The following SPATS2L variants were observed in gnomAD, a reference collection of about 807,000 sequenced individuals.
SPATS2L encodes spermatogenesis associated serine rich 2 like.
SPATS2L carries 30 observed loss-of-function variants against 59.6 expected under a neutral mutation model. The ratio of observed to expected loss-of-function variants is 0.50; its 90% CI spans 0.38 to 0.68. The LOEUF (loss-of-function observed/expected upper bound fraction) is 0.68, where lower values mean the gene tolerates loss of function less well. SPATS2L is among the 30% of genes least tolerant of loss of function. The probability of loss-of-function intolerance (pLI) is 0.00; values close to 1 mark genes in which losing one functional copy is unlikely to be tolerated. For synonymous variants in SPATS2L, 252 were observed against 263.5 expected, an observed-to-expected ratio of 0.96 and a Z score of 0.42; for missense variants, 615 against 700.0, an observed-to-expected ratio of 0.88 and a Z score of 1.37.
At position 200,354,576 on chromosome 2, in the gene SPATS2L, T is replaced by C. The variant is rs184453979; in HGVS notation, c.-23+25096T>C. On this transcript the variant is annotated intron_variant, in intron 2 of 12. Transcript: ENST00000409140. ...TGAGCTGAGATTGTGCCATTGCACTTCAGCCTGGGCGACAGAGCAAGACTC... is the reference window on the plus strand; with the variant it reads ...TGAGCTGAGATTGTGCCATTGCACTCCAGCCTGGGCGACAGAGCAAGACTC... Among the ~76,000 whole-genome samples, 456 of 151,902 alleles carry C rather than the reference T, an allele frequency of 3.0e-3. 4 individuals carry two copies. Among genetic ancestry groups the C allele is most frequent in the African/African-American group, 0.011 (436 of 41,400 alleles).
At chr2:200,433,208 G>A (rs1032137855) in intron 6 of SPATS2L, among the ~76,000 whole-genome samples, 4 of 152,194 alleles carry the variant, frequency 2.6e-5, no homozygotes, top group Middle Eastern at 3.4e-3. Flanking sequence ...TAAAGAAAGC[G>A]ACAAATCCAA....
At position 200,307,719 on chromosome 2, in the gene SPATS2L, G is replaced by T. The variant is rs1210644952; in HGVS notation, c.-73+797G>T. Among the ~76,000 whole-genome samples, 4 of 152,366 alleles carry T rather than the reference G, an allele frequency of 2.6e-5. 1 individual carries two copies. The South Asian group carries it at 8.3e-4, about 32-fold the overall frequency. ...AGGGCCGAGTCTTCACCTGCGCGGGGATGCGGCGGAAGCGTCGCGTCTTCG... is the reference window on the plus strand; with the variant it reads ...AGGGCCGAGTCTTCACCTGCGCGGGTATGCGGCGGAAGCGTCGCGTCTTCG... On this transcript the variant is annotated intron_variant, in intron 1 of 12. Coordinates refer to ENST00000409140, the MANE Select transcript of SPATS2L (RefSeq NM_001100423.2).
intron 2 of SPATS2L, among the ~76,000 whole-genome samples, chr2:200,345,131 A>G (rs1260734087): frequency 6.6e-6 from 1 of 152,218 alleles, no homozygotes; most frequent in East Asian, 1.9e-4. Context: ...CAACTTCATC[A>G]TGAAATCTTT....
At chr2:200,424,784 C>T (rs544576552) in intron 6 of SPATS2L, among the ~76,000 whole-genome samples, 1 of 152,224 alleles carries the variant, frequency 6.6e-6, no homozygotes, top group African/African-American at 2.4e-5. Flanking sequence ...CAGCAGCTTC[C>T]CAGAGATAAA....
intron 8 of SPATS2L, among the ~76,000 whole-genome samples, chr2:200,459,231 G>C (rs1009074975): frequency 6.6e-6 from 1 of 152,172 alleles, no homozygotes; most frequent in African/African-American, 2.4e-5. Flanking sequence ...GCTTACTCGG[G>C]AGAATGAAAA....
chr2:200,348,547 C>T (rs1212268492), intron 2 of SPATS2L, among the ~76,000 whole-genome samples: 1 of 152,154 alleles, frequency 6.6e-6, no homozygotes, highest in Non-Finnish European at 1.5e-5. Flanking sequence ...TGGCCAGGGA[C>T]TGGCTATCTG....
At chr2:200,352,540 T>C (rs2080777096) in intron 2 of SPATS2L, among the ~76,000 whole-genome samples, 1 of 151,950 alleles carries the variant, frequency 6.6e-6, no homozygotes, top group Non-Finnish European at 1.5e-5. Flanking sequence ...TTTTAACCCT[T>C]AGCTCTAGAA....
intron 2 of SPATS2L, among the ~76,000 whole-genome samples, chr2:200,369,448 C>T (rs965141276): frequency 2.6e-5 from 4 of 151,986 alleles, no homozygotes; most frequent in Non-Finnish European, 4.4e-5. Context: ...CATGAGCCAC[C>T]GTGAGGCAGG....
chr2:200,367,309 G>GA (rs1469100842), intron 2 of SPATS2L, among the ~76,000 whole-genome samples: 1 of 150,662 alleles, frequency 6.6e-6, no homozygotes, highest in Admixed American at 6.6e-5. Context: ...TTGCAATCAT[G>GA]ATGATCTCTG....
rs1359207941 is a variant in SPATS2L, at chr2:200,396,056, ATATATATATATT to A, written c.39+6775_39+6786del. ...AAAATATATATATATATATATATATATATATATATATTTTCCCATAGAACCAAGATTGGAAAG... is the reference window on the plus strand; with the variant it reads ...AAAATATATATATATATATATATATATTCCCATAGAACCAAGATTGGAAAG... On this transcript the variant is annotated intron_variant, in intron 3 of 12. Coordinates refer to ENST00000409140, the MANE Select transcript of SPATS2L (RefSeq NM_001100423.2). Among the ~76,000 whole-genome samples the A allele has an allele frequency of 9.0e-3, 891 of 98,508 alleles. 63 individuals are homozygous for A. The highest frequency in any genetic ancestry group is 0.015 in the Non-Finnish European group (712 of 48,216). 64.6% of individuals were successfully genotyped at this position (98,508 alleles called of 152,430 possible). A position where few individuals can be genotyped will look rare whatever the true frequency, so the allele number is the denominator to read the frequency against.
chr2:200,426,569 A>G (rs1426823511), intron 6 of SPATS2L, among the ~76,000 whole-genome samples: 1 of 152,020 alleles, frequency 6.6e-6, no homozygotes, highest in East Asian at 1.9e-4. Flanking sequence ...CTCTAAAAAA[A>G]CTTAAAAATT....
At chr2:200,377,898 G>GCAGA (rs1168724203) in intron 2 of SPATS2L, 2 of 152,138 alleles carry the variant, frequency 1.3e-5, no homozygotes, top group Non-Finnish European at 2.9e-5. Flanking sequence ...GAAGCCCTTA[G>GCAGA]CAGACAATCA....
intron 2 of SPATS2L, among the ~76,000 whole-genome samples, chr2:200,342,023 C>A (rs1053316116): frequency 1.3e-4 from 20 of 152,276 alleles, no homozygotes; most frequent in Non-Finnish European, 7.4e-5. Context: ...GTAATCATAT[C>A]ATTGTTTTCC....
At chr2:200,307,743 C>T (rs986439673) in intron 1 of SPATS2L, among the ~76,000 whole-genome samples, 1 of 152,242 alleles carries the variant, frequency 6.6e-6, no homozygotes, top group Non-Finnish European at 1.5e-5. Context: ...GTCGCGTCTT[C>T]GCGAGTGGAG....
chr2:200,352,357 ATATATATATATATATG>A (rs2080769304), intron 2 of SPATS2L, among the ~76,000 whole-genome samples: 3 of 51,090 alleles, frequency 5.9e-5, no homozygotes, highest in Non-Finnish European at 1.5e-4. Context: ...ATATATATAT[ATATATATATATATATG>A]GTAAACAAGC....
intron 1 of SPATS2L, among the ~76,000 whole-genome samples, chr2:200,324,876 T>C (rs1205182395): frequency 6.6e-6 from 1 of 152,186 alleles, no homozygotes; most frequent in Non-Finnish European, 1.5e-5. Context: ...ATTTGACCTA[T>C]ATATTAAGCT....
chr2:200,479,991 C>T lies in SPATS2L; in HGVS notation c.*1960C>T. 2.7e-6 allele frequency: 1 copy of T among 369,768 alleles called. No individual in the cohort carries two copies. The highest frequency in any genetic ancestry group is 4.8e-6 in the Non-Finnish European group (1 of 208,588). 22.9% of individuals were successfully genotyped at this position (369,768 alleles called of 1,614,324 possible). ...TCGGCACTGTAGGCCCTGTTTACCC[C>T]ATCTGAGGCCCTGAATTCATATATT... On this transcript the variant is annotated 3_prime_UTR_variant, in exon 13 of 13. Transcript: ENST00000409140.
At chr2:200,307,183 G>A (rs1402716041) in intron 1 of SPATS2L, among the ~76,000 whole-genome samples, 1 of 151,520 alleles carries the variant, frequency 6.6e-6, no homozygotes, top group African/African-American at 2.4e-5. Flanking sequence ...GGCGCCGGCT[G>A]GGACGCACAG....
At chr2:200,434,334 T>C (rs2084135654) in intron 6 of SPATS2L, among the ~76,000 whole-genome samples, 1 of 151,920 alleles carries the variant, frequency 6.6e-6, no homozygotes, top group Non-Finnish European at 1.5e-5. Context: ...CTGAATGCAG[T>C]TTCCCTAAGA....
Sources: allele counts gnomAD v4.1 joint callset (sites outside exome capture counted in the v4.1 genomes callset), GRCh38; gene constraint gnomAD v4.1.1; transcripts MANE v1.5; gene names NCBI Gene and HGNC (gene_info 2026-07-23, HGNC 2026-07-21).